ADAM29: variants seen among roughly 807,000 people sequenced by gnomAD.
The protein encoded by ADAM29 is ADAM metallopeptidase domain 29.
For missense variants in ADAM29, 969 were observed against 1,001.8 expected, an observed-to-expected ratio of 0.97 and a Z score of 0.44; for synonymous variants, 367 against 342.3, an observed-to-expected ratio of 1.07 and a Z score of -0.80.
intron 1 of ADAM29, among the ~76,000 whole-genome samples, chr4:174,919,930 C>T (rs972609467): frequency 6.6e-6 from 1 of 152,112 alleles, no homozygotes; most frequent in Non-Finnish European, 1.5e-5. Context: ...TTTTCTTATT[C>T]TGTCTGCCAC....
At chr4:174,951,822 T>A (rs1397499994) in intron 4 of ADAM29, among the ~76,000 whole-genome samples, 1 of 152,254 alleles carries the variant, frequency 6.6e-6, no homozygotes, top group Non-Finnish European at 1.5e-5. Context: ...ATCCCAGAAG[T>A]CTGACAGTCT....
intron 3 of ADAM29, among the ~76,000 whole-genome samples, chr4:174,934,032 C>A (rs1490124629): frequency 6.6e-6 from 1 of 152,096 alleles, no homozygotes; most frequent in Non-Finnish European, 1.5e-5. Context: ...CTGTTTTTAG[C>A]TCTTTGAGGA....
At position 174,976,374 on chromosome 4, in the gene ADAM29, T is replaced by C. The variant is rs758615679; in HGVS notation, c.849T>C (p.His283=). 6.2e-7 allele frequency: 1 copy of C among 1,601,690 alleles called. No individual in the cohort carries two copies. Residue 283 remains histidine, a synonymous_variant, in exon 5 of 5, where the codon CAT becomes CAC. Coordinates refer to ENST00000359240, the MANE Select transcript of ADAM29 (RefSeq NM_014269.4). ...KSENITPRMQ[H]DTSHLFTTLG... ...AGAACATTACGCCCCGGATGCAACA[T>C]GACACCTCACATCTTTTCACAACTC...
At chr4:174,929,479 G>A (rs553276450) in intron 2 of ADAM29, among the ~76,000 whole-genome samples, 1 of 152,008 alleles carries the variant, frequency 6.6e-6, no homozygotes. Context: ...AATGGAAAAG[G>A]GGGGAAACAC....
chr4:174,931,997 C>T lies in ADAM29; in HGVS notation c.-262+823C>T, dbSNP rs184771071. On this transcript the variant is annotated intron_variant, in intron 3 of 4. Transcript: ENST00000359240. ...TCCACATTTATTTTTATTGAAATGA[C>T]AATACATGAGGCCAGGCAAGGTGGC... is the stretch of plus-strand genomic sequence containing the variant. 2.0e-5 allele frequency among the ~76,000 whole-genome samples: 3 copies of T among 152,044 alleles called. No homozygotes were observed. The East Asian group carries it at 5.8e-4, about 29-fold the overall frequency.
chr4:174,969,064 C>T (rs1251262593), intron 4 of ADAM29, among the ~76,000 whole-genome samples: 1 of 151,942 alleles, frequency 6.6e-6, no homozygotes, highest in Non-Finnish European at 1.5e-5. Context: ...AAAGACTTTC[C>T]ATCACATAGT....
chr4:174,962,418 A>G (rs1007304205), intron 4 of ADAM29, among the ~76,000 whole-genome samples: 1 of 151,660 alleles, frequency 6.6e-6, no homozygotes, highest in Non-Finnish European at 1.5e-5. Context: ...AGGCTGAGGC[A>G]GGAGAATGGC....
At chr4:174,958,900 T>C (rs1205154982) in intron 4 of ADAM29, among the ~76,000 whole-genome samples, 2 of 151,882 alleles carry the variant, frequency 1.3e-5, no homozygotes, top group Non-Finnish European at 3.0e-5. Context: ...TGTAACACAG[T>C]GTTCCACATT....
intron 4 of ADAM29, among the ~76,000 whole-genome samples, chr4:174,939,239 T>G (rs917457949): frequency 6.6e-6 from 1 of 152,178 alleles, no homozygotes; most frequent in African/African-American, 2.4e-5. Flanking sequence ...TTTTTGATCA[T>G]AGTACTCATA....
At chr4:174,967,755 C>T (rs115603649) in intron 4 of ADAM29, among the ~76,000 whole-genome samples, 209 of 152,216 alleles carry the variant, frequency 1.4e-3, no homozygotes, top group Middle Eastern at 0.01. Flanking sequence ...GTCATGAAAC[C>T]GCTTGGACTC....
chr4:174,933,038 G>A (rs1269433362), intron 3 of ADAM29, among the ~76,000 whole-genome samples: 1 of 152,114 alleles, frequency 6.6e-6, no homozygotes, highest in East Asian at 1.9e-4. Flanking sequence ...AACTGGCAGA[G>A]AGTGGAAGTT....
At chr4:174,927,841 A>G (rs551317335) in intron 2 of ADAM29, among the ~76,000 whole-genome samples, 3 of 151,960 alleles carry the variant, frequency 2.0e-5, no homozygotes, top group Non-Finnish European at 2.9e-5. Context: ...TGGCCCCTCT[A>G]TGTTTACTGG....
At chr4:174,935,186 C>T (rs933008218) in intron 3 of ADAM29, among the ~76,000 whole-genome samples, 1 of 152,106 alleles carries the variant, frequency 6.6e-6, no homozygotes, top group African/African-American at 2.4e-5. Context: ...GATAAGATCT[C>T]TCTGTTGTCA....
At chr4:174,929,755 CTTT>C (rs61292393) in intron 2 of ADAM29, among the ~76,000 whole-genome samples, 2 of 140,082 alleles carry the variant, frequency 1.4e-5, no homozygotes, top group Non-Finnish European at 3.1e-5. Context: ...ATCTCTCTCT[CTTT>C]TTTTTTTTTT....
chr4:174,977,928 C>G lies in ADAM29; in HGVS notation c.2403C>G (p.Pro801=). ...TPSQSQPPVT[P]SQRQPQLMPS... ...CCCAGAGTCAACCTCCTGTGACACC[C>G]TCCCAGAGGCAACCTCAGTTGATGC... The change falls in exon 5 of 5, where the codon CCC becomes CCG. Residue 801 remains proline, a synonymous_variant. Coordinates refer to ENST00000359240, the MANE Select transcript of ADAM29 (RefSeq NM_014269.4). 7.2e-7 allele frequency: 1 copy of G among 1,387,976 alleles called. No individual in the cohort carries two copies. The highest frequency in any genetic ancestry group is 9.8e-7 in the Non-Finnish European group (1 of 1,025,328). 86.0% of individuals were successfully genotyped at this position (1,387,976 alleles called of 1,614,324 possible).
chr4:174,926,447 G>A (rs1743520755), intron 2 of ADAM29, among the ~76,000 whole-genome samples: 1 of 151,850 alleles, frequency 6.6e-6, no homozygotes, highest in Non-Finnish European at 1.5e-5. Flanking sequence ...AAAGTATAAG[G>A]ACAGATGAGT....
intron 4 of ADAM29, among the ~76,000 whole-genome samples, chr4:174,972,969 C>T (rs1746552538): frequency 6.6e-6 from 1 of 152,182 alleles, no homozygotes; most frequent in Non-Finnish European, 1.5e-5. Context: ...CTGTGCCAGA[C>T]CCATTCGAGC....
intron 4 of ADAM29, among the ~76,000 whole-genome samples, chr4:174,973,749 G>A (rs752063702): frequency 1.3e-4 from 20 of 152,036 alleles, no homozygotes; most frequent in Non-Finnish European, 2.2e-4. Context: ...AATCATTGCT[G>A]GTGCCATCTG....
rs546791416 is a variant in ADAM29, at chr4:174,974,794, T to G, written c.-180-552T>G. Among the ~76,000 whole-genome samples, 13 of 152,270 alleles carry G rather than the reference T, an allele frequency of 8.5e-5. No individual in the cohort carries two copies. In the East Asian group the frequency reaches 2.5e-3, roughly 29 times the overall value. ...TGACAAGGCTAGTGAGAAGAGGAAG[T>G]TAGCGAAGAAACAGAAAATTAAATA... On this transcript the variant is annotated intron_variant, in intron 4 of 4. Transcript: ENST00000359240.
Sources: gnomAD v4.1 joint callset for allele counts (sites outside exome capture counted in the v4.1 genomes callset) on GRCh38, gnomAD v4.1.1 for gene constraint, MANE v1.5 for transcripts, NCBI Gene and HGNC (gene_info 2026-07-23, HGNC 2026-07-21) for gene names.